MGAT4C: variants seen among roughly 807,000 people sequenced by gnomAD.
MGAT4C encodes the protein MGAT4 family member C.
MGAT4C carries 19 observed loss-of-function variants against 40.1 expected under a neutral mutation model. That is an observed-to-expected ratio of 0.47 (90% CI 0.33 to 0.70). The LOEUF (loss-of-function observed/expected upper bound fraction) is 0.70, where lower values mean the gene tolerates loss of function less well. MGAT4C is among the 30% of genes least tolerant of loss of function. MGAT4C has a pLI of 0.02. For synonymous variants in MGAT4C, 181 were observed against 187.1 expected (o/e 0.97, Z 0.27); for missense variants, 491 against 563.2 (o/e 0.87, Z 1.30).
At chr12:86,471,418 C>A (rs1957756313) in intron 2 of MGAT4C, among the ~76,000 whole-genome samples, 1 of 151,508 alleles carries the variant, frequency 6.6e-6, no homozygotes, top group Admixed American at 6.6e-5. Flanking sequence ...GTTATTAACT[C>A]AAGAAAGTGT....
At position 86,774,308 on chromosome 12, in the gene MGAT4C, TTTCTTTC is replaced by T. The variant is rs1396153614; in HGVS notation, c.-261-47074_-261-47068del. Among the ~76,000 whole-genome samples, 89 of 39,560 alleles carry T rather than the reference TTTCTTTC, an allele frequency of 2.2e-3. 3 individuals carry two copies. The highest frequency in any genetic ancestry group is 5.5e-3 in the African/African-American group (87 of 15,770). 26.0% of individuals were successfully genotyped at this position (39,560 alleles called of 152,430 possible). On this transcript the variant is annotated intron_variant, in intron 1 of 7. Coordinates refer to the MGAT4C transcript ENST00000548651. ...CTTTCTTTCTTTCTTTCTTTCTTTC[TTTCTTTC>T]TTTCTTTCTTTCTTTCTTTCTTTCT...
At chr12:86,598,918 G>A (rs1211452653) in intron 2 of MGAT4C, among the ~76,000 whole-genome samples, 1 of 151,986 alleles carries the variant, frequency 6.6e-6, no homozygotes, top group Non-Finnish European at 1.5e-5. Flanking sequence ...GTTTAGCAAG[G>A]GAAGACTTTA....
At chr12:86,346,779 C>T (rs901640968) in intron 3 of MGAT4C, among the ~76,000 whole-genome samples, 1 of 151,992 alleles carries the variant, frequency 6.6e-6, no homozygotes, top group Non-Finnish European at 1.5e-5. Flanking sequence ...ACATTTGAGT[C>T]AGTGGACAGA....
At chr12:86,694,219 C>CTAG (rs1358314206) in intron 2 of MGAT4C, among the ~76,000 whole-genome samples, 8 of 152,122 alleles carry the variant, frequency 5.3e-5, no homozygotes, top group African/African-American at 1.7e-4. Context: ...TAGTTACCAC[C>CTAG]TCTACATCAA....
At chr12:86,238,825 A>G (rs1951658161) in intron 1 of MGAT4C, among the ~76,000 whole-genome samples, 1 of 152,044 alleles carries the variant, frequency 6.6e-6, no homozygotes, top group African/African-American at 2.4e-5. Context: ...AAGATAAAGT[A>G]TTATGCAAAC....
chr12:86,736,939 A>ATC (rs1209383863), intron 1 of MGAT4C, among the ~76,000 whole-genome samples: 1 of 150,378 alleles, frequency 6.6e-6, no homozygotes, highest in East Asian at 2.0e-4. Flanking sequence ...TAATTTTCCC[A>ATC]TCTCTCTCTT....
rs961163288 is a variant in MGAT4C at position 86,718,666 on chromosome 12, A to G, written c.-229+8543T>C. Among the ~76,000 whole-genome samples, 4 of 152,136 alleles carry G rather than the reference A, an allele frequency of 2.6e-5. No individual in the cohort carries two copies. The South Asian group carries it at 8.3e-4, about 32-fold the overall frequency. On this transcript the variant is annotated intron_variant, in intron 2 of 7. Transcript: ENST00000548651. ...GCACAGCAGGAGGTGAACAGCAGGC[A>G]AGGGACCATTACCACCTAAGCTTCA...
At chr12:86,212,913 A>C (rs1472134320) in intron 1 of MGAT4C, among the ~76,000 whole-genome samples, 9 of 147,386 alleles carry the variant, frequency 6.1e-5, no homozygotes, top group Non-Finnish European at 1.2e-4. Flanking sequence ...AAAAAAAAAA[A>C]AAAAAAAAGA....
chr12:86,711,168 C>T (rs559737664), intron 2 of MGAT4C, among the ~76,000 whole-genome samples: 6 of 151,850 alleles, frequency 4.0e-5, no homozygotes, highest in East Asian at 1.9e-4. Flanking sequence ...CCACGTGTAC[C>T]CCCCAAAAAT....
chr12:86,625,200 G>A (rs1287952282), intron 2 of MGAT4C, among the ~76,000 whole-genome samples: 2 of 152,054 alleles, frequency 1.3e-5, no homozygotes, highest in East Asian at 3.9e-4. Context: ...TTGTGAAGAA[G>A]GTGCCTGGTT....
At chr12:86,717,488 A>G (rs1176720638) in intron 2 of MGAT4C, among the ~76,000 whole-genome samples, 1 of 152,124 alleles carries the variant, frequency 6.6e-6, no homozygotes, top group Non-Finnish European at 1.5e-5. Flanking sequence ...AATTTGAAGA[A>G]GTAGATTATG....
At chr12:86,212,606 T>A (rs1004375563) in intron 1 of MGAT4C, among the ~76,000 whole-genome samples, 15 of 151,278 alleles carry the variant, frequency 9.9e-5, no homozygotes, top group Non-Finnish European at 2.2e-4. Flanking sequence ...AGAACACTCA[T>A]GGCCGGGCGC....
intron 2 of MGAT4C, among the ~76,000 whole-genome samples, chr12:86,484,201 C>G (rs147866655): frequency 6.6e-6 from 1 of 152,040 alleles, no homozygotes; most frequent in Non-Finnish European, 1.5e-5. Flanking sequence ...GCTGCAGAGC[C>G]GAGGAGCTTC....
At chr12:86,746,042 CT>C (rs1555224898) in intron 1 of MGAT4C, among the ~76,000 whole-genome samples, 1 of 151,622 alleles carries the variant, frequency 6.6e-6, no homozygotes, top group Non-Finnish European at 1.5e-5. Context: ...ATTTCATCCC[CT>C]CTCATTCACT....
chr12:86,514,796 A>G (rs1592940749), intron 2 of MGAT4C, among the ~76,000 whole-genome samples: 1 of 152,184 alleles, frequency 6.6e-6, no homozygotes, highest in African/African-American at 2.4e-5. Context: ...GAATGTGAAC[A>G]TTGTTGGAGA....
chr12:86,473,779 G>T (rs1957788371), intron 2 of MGAT4C, among the ~76,000 whole-genome samples: 1 of 152,050 alleles, frequency 6.6e-6, no homozygotes, highest in Non-Finnish European at 1.5e-5. Flanking sequence ...AATCATTTTT[G>T]CTTTAATGAA....
chr12:86,356,931 T>C (rs910133456), intron 3 of MGAT4C, among the ~76,000 whole-genome samples: 9 of 152,174 alleles, frequency 5.9e-5, no homozygotes, highest in Admixed American at 4.6e-4. Flanking sequence ...CAGAAACTTC[T>C]GCAGACTTAA....
chr12:86,152,364 A>C (rs1001422434), intron 1 of MGAT4C, among the ~76,000 whole-genome samples: 4 of 152,168 alleles, frequency 2.6e-5, no homozygotes, highest in African/African-American at 9.6e-5. Flanking sequence ...TTGTGTGTCC[A>C]CTAGAGGGGC....
chr12:86,668,886 G>A (rs1046022411), intron 2 of MGAT4C, among the ~76,000 whole-genome samples: 1 of 152,166 alleles, frequency 6.6e-6, no homozygotes, highest in Non-Finnish European at 1.5e-5. Context: ...TGTTTAAGCA[G>A]GGCCCTCTCT....
Sources: gnomAD v4.1 joint callset for allele counts (sites outside exome capture counted in the v4.1 genomes callset) on GRCh38, gnomAD v4.1.1 for gene constraint, MANE v1.5 for transcripts, NCBI Gene and HGNC (gene_info 2026-07-23, HGNC 2026-07-21) for gene names.